The following GALNTL6 variants were observed in gnomAD, a reference collection of about 807,000 sequenced individuals.
The protein encoded by GALNTL6 is polypeptide N-acetylgalactosaminyltransferase-like 6.
In GALNTL6, 46 loss-of-function variants were observed where a neutral mutation model predicts 73.7. That is an observed-to-expected ratio of 0.62 (90% CI 0.49 to 0.80). The LOEUF is 0.80. GALNTL6 is among the 30% of genes least tolerant of loss of function. GALNTL6 has a pLI of 0.00. For missense variants in GALNTL6, 604 were observed against 755.0 expected (o/e 0.80, Z 2.34); for synonymous variants, 259 against 263.7 (o/e 0.98, Z 0.17).
intron 6 of GALNTL6, among the ~76,000 whole-genome samples, 170 bp from the exon 7 acceptor site, chr4:172,813,370 T>A (rs1431331559): frequency 6.6e-6 from 1 of 152,116 alleles, no homozygotes; most frequent in African/African-American, 2.4e-5. Flanking sequence ...CGCTGTCCCA[T>A]CACATTAAGT....
chr4:172,169,656 G>T (rs1282835619), intron 2 of GALNTL6, among the ~76,000 whole-genome samples: 1 of 152,016 alleles, frequency 6.6e-6, no homozygotes, highest in Non-Finnish European at 1.5e-5. Flanking sequence ...AACTCATATG[G>T]CAATCTCATC....
At chr4:172,001,591 T>G (rs1027227933) in intron 2 of GALNTL6, among the ~76,000 whole-genome samples, 1 of 152,154 alleles carries the variant, frequency 6.6e-6, no homozygotes, top group Admixed American at 6.6e-5. Context: ...ATTATTTCCC[T>G]AGAGGATACT....
chr4:172,238,131 A>C (rs1737300707), intron 3 of GALNTL6, among the ~76,000 whole-genome samples: 1 of 151,572 alleles, frequency 6.6e-6, no homozygotes, highest in Admixed American at 6.6e-5. Flanking sequence ...TAGTTTAGTT[A>C]GTGAAGAACG....
chr4:172,249,228 T>G (rs569284812), intron 3 of GALNTL6, among the ~76,000 whole-genome samples: 92 of 152,104 alleles, frequency 6.0e-4, no homozygotes, highest in Non-Finnish European at 1.1e-3. Flanking sequence ...GGAACTGGAG[T>G]AAGGTCACTC....
intron 5 of GALNTL6, among the ~76,000 whole-genome samples, chr4:172,573,430 G>A (rs371266340): frequency 2.0e-5 from 3 of 152,034 alleles, no homozygotes; most frequent in Non-Finnish European, 4.4e-5. Context: ...TCAATTAGGC[G>A]TTTAAAAAAT....
chr4:172,809,172 C>T lies in GALNTL6; in HGVS notation c.554-189C>T, dbSNP rs1579509909. Among the ~76,000 whole-genome samples the T allele has an allele frequency of 6.6e-6, 1 of 152,178 alleles. No individual in the cohort carries two copies. Among genetic ancestry groups the T allele is most frequent in the South Asian group, 2.1e-4 (1 of 4,830 alleles). On this transcript the variant is annotated intron_variant, in intron 5 of 12. Transcript: ENST00000506823. The surrounding 1 kb of genome is among the most constrained non-coding windows in gnomAD (Gnocchi z 4.4). Reference sequence around the variant, plus strand: ...TGTGTTCAAAAAAGGGCAATATTTGCAGTTTACAAAGCATTCTGGAAAGTG... The same window carrying T: ...TGTGTTCAAAAAAGGGCAATATTTGTAGTTTACAAAGCATTCTGGAAAGTG...
At chr4:171,947,588 G>C (rs1738742336) in intron 2 of GALNTL6, among the ~76,000 whole-genome samples, 1 of 152,176 alleles carries the variant, frequency 6.6e-6, no homozygotes, top group African/African-American at 2.4e-5. Flanking sequence ...ACTATAGGGA[G>C]ATGAATGGCT....
chr4:172,360,642 C>T (rs186403058), intron 5 of GALNTL6, among the ~76,000 whole-genome samples: 1 of 151,938 alleles, frequency 6.6e-6, no homozygotes, highest in Non-Finnish European at 1.5e-5. Flanking sequence ...CATGGGGTAC[C>T]GTCTATGTAG....
chr4:172,528,973 A>G (rs1246261086), intron 5 of GALNTL6, among the ~76,000 whole-genome samples: 6 of 38,342 alleles, frequency 1.6e-4, no homozygotes, highest in Non-Finnish European at 2.1e-4. Context: ...ATGTGTGTGT[A>G]TATTTATACA....
intron 5 of GALNTL6, among the ~76,000 whole-genome samples, chr4:172,671,114 A>C (rs1023508723): frequency 2.0e-5 from 3 of 151,992 alleles, no homozygotes; most frequent in Non-Finnish European, 4.4e-5. Flanking sequence ...TTTTGATTAG[A>C]ATTGCCTTAG....
chr4:172,875,368 TA>T (rs1464956156), intron 7 of GALNTL6, among the ~76,000 whole-genome samples: 11 of 152,298 alleles, frequency 7.2e-5, no homozygotes, highest in South Asian at 4.1e-4. Context: ...ATAATTAGAC[TA>T]GGGGCATAAT....
intron 8 of GALNTL6, among the ~76,000 whole-genome samples, chr4:172,907,137 CAA>C (rs1428789881): frequency 5.2e-5 from 7 of 133,478 alleles, no homozygotes; most frequent in African/African-American, 5.5e-5. Context: ...CTATTTTCTC[CAA>C]AAAAAAAAAG....
intron 8 of GALNTL6, among the ~76,000 whole-genome samples, chr4:172,911,499 G>A (rs956721170): frequency 1.3e-5 from 2 of 152,238 alleles, no homozygotes; most frequent in African/African-American, 4.8e-5. Flanking sequence ...CATGCCCCCA[G>A]ATACACAAGA....
At chr4:172,599,225 A>G (rs12642131) in intron 5 of GALNTL6, among the ~76,000 whole-genome samples, 66,573 of 152,008 alleles carry the variant, frequency 0.44, 17,200 homozygotes, top group East Asian at 0.68. Context: ...GTGACTCTGT[A>G]TATGTTATCA....
chr4:173,021,720 G>T, intron 12 of GALNTL6, 95 bp downstream of exon 12: 1 of 1,313,150 alleles, frequency 7.6e-7, no homozygotes, highest in Non-Finnish European at 1.1e-6. Context: ...TAGGCCTGGC[G>T]CAGTCACTCA....
intron 8 of GALNTL6, among the ~76,000 whole-genome samples, chr4:172,925,778 C>T (rs920342995): frequency 2.6e-5 from 4 of 152,172 alleles, no homozygotes; most frequent in African/African-American, 9.7e-5. Flanking sequence ...CCTTGTGAGA[C>T]CCTTGATGGA....
At chr4:172,819,254 A>G (rs1300320883) in intron 7 of GALNTL6, among the ~76,000 whole-genome samples, 1 of 152,246 alleles carries the variant, frequency 6.6e-6, no homozygotes, top group Non-Finnish European at 1.5e-5. Flanking sequence ...TTGTTCTTCC[A>G]AGGCACACAG....
At chr4:172,209,456 A>G (rs2110922458) in intron 2 of GALNTL6, among the ~76,000 whole-genome samples, 1 of 152,026 alleles carries the variant, frequency 6.6e-6, no homozygotes, top group South Asian at 2.1e-4. Flanking sequence ...AAAAAAAAAA[A>G]AATGATGTAC....
At chr4:172,221,900 T>G (rs1043948669) in intron 2 of GALNTL6, among the ~76,000 whole-genome samples, 2 of 151,856 alleles carry the variant, frequency 1.3e-5, no homozygotes, top group South Asian at 2.1e-4. Flanking sequence ...CCTGGCACTT[T>G]CGGTTCATTT....
Sources: gnomAD v4.1 joint callset for allele counts (sites outside exome capture counted in the v4.1 genomes callset) on GRCh38, gnomAD v4.1.1 for gene constraint, Gnocchi (gnomAD v3.1) non-coding constraint, MANE v1.5 for transcripts, NCBI Gene and HGNC (gene_info 2026-07-23, HGNC 2026-07-21) for gene names.